ABCB4: variants seen among roughly 807,000 people sequenced by gnomAD.
The protein encoded by ABCB4 is phosphatidylcholine translocator ABCB4.
A neutral mutation model predicts 145.7 loss-of-function variants in ABCB4; 76 were observed. The observed-to-expected ratio is 0.52, with a 90% CI of 0.43 to 0.63. The LOEUF (loss-of-function observed/expected upper bound fraction) is 0.63, where lower values mean the gene tolerates loss of function less well. ABCB4 is among the 30% of genes least tolerant of loss of function. The pLI, the probability that ABCB4 is intolerant of heterozygous loss-of-function variation, is 0.00. For missense variants in ABCB4, 1,234 were observed against 1,553.1 expected (o/e 0.79, Z 3.45); for synonymous variants, 517 against 566.8 (o/e 0.91, Z 1.25).
Position 87,402,220 on chromosome 7 carries a change from G to T in ABCB4, c.3716C>A (p.Ala1239Glu). Residue 1239 changes from alanine to glutamate, a missense_variant, in exon 28 of 28, where the codon GCA (alanine) becomes GAA (glutamate). This residue lies in a region of ABCB4 where 58 missense variants were observed against 75.9 expected (regional missense o/e 0.76). Coordinates refer to ENST00000649586, the MANE Select transcript of ABCB4 (RefSeq NM_000443.4). ...IAHRLSTIQN[A>E]DLIVVFQNGR... The stretch of plus-strand genomic sequence containing the variant: ...ATTCTGAAACACCACTATTAAGTCT[G>T]CATTCTGGATGGTGGACAGGCGGTG... 1 of 1,614,110 alleles carries T rather than the reference G, an allele frequency of 6.2e-7. No individual in the cohort carries two copies. The highest frequency in any genetic ancestry group is 8.5e-7 in the Non-Finnish European group (1 of 1,179,986).
the ABCB4 span, chr7:87,392,998 G>C: frequency 1.6e-5 from 26 of 1,613,498 alleles, no homozygotes; most frequent in Non-Finnish European, 2.2e-5. Flanking sequence ...GGCTATTTAC[G>C]AGTCCAGGGA....
intron 3 of ABCB4, 80 bp downstream of exon 3, chr7:87,472,541 T>C: frequency 8.1e-7 from 1 of 1,236,176 alleles, no homozygotes; most frequent in Non-Finnish European, 1.2e-6. Flanking sequence ...CTTAAAGTAT[T>C]TGCTTTAAAG....
Position 87,413,700 on chromosome 7 carries a change from T to C in ABCB4, c.2700A>G (p.Ile900Met). 6.2e-7 allele frequency: 1 copy of C among 1,611,432 alleles called. No individual in the cohort carries two copies. Among genetic ancestry groups the C allele is most frequent in the African/African-American group, 1.3e-5 (1 of 75,006 alleles). ...EAAGKIATEA[I>M]ENIRTVVSLT... is the part of the protein sequence containing the mutation. Reference sequence around the variant, plus strand: ...AAGACACAACTGTCCTAATATTTTCTATTGCCTCTGTTGCAATCTGTAACA... The same window carrying C: ...AAGACACAACTGTCCTAATATTTTCCATTGCCTCTGTTGCAATCTGTAACA... The change falls in exon 22 of 28, where the codon ATA (isoleucine) becomes ATG (methionine). Residue 900 changes from isoleucine to methionine, a missense_variant. This residue lies in a region of ABCB4 where 301 missense variants were observed against 389.0 expected (regional missense o/e 0.77). Transcript: ENST00000649586.
the ABCB4 span, among the ~76,000 whole-genome samples, chr7:87,396,008 A>G: frequency 6.6e-6 from 1 of 152,226 alleles, no homozygotes. Flanking sequence ...AAAACAATAA[A>G]TTTCTACTAG....
At chr7:87,377,547 T>G in the ABCB4 span, 3 of 686,668 alleles carry the variant, frequency 4.4e-6, no homozygotes, top group Non-Finnish European at 7.4e-6. Context: ...TGTAAGTGAA[T>G]AGTAATTTAG....
At chr7:87,387,299 T>C in the ABCB4 span, among the ~76,000 whole-genome samples, 18 of 152,254 alleles carry the variant, frequency 1.2e-4, no homozygotes, top group African/African-American at 4.3e-4. Context: ...TTTAAATATG[T>C]TATTTAGATA....
the ABCB4 span, chr7:87,369,619 AAT>A: frequency 1.2e-4 from 40 of 335,210 alleles, no homozygotes; most frequent in South Asian, 1.8e-4. Flanking sequence ...TTTAAAAAAA[AAT>A]CTATTTGTAT....
At chr7:87,470,697 T>G (rs960644118) in intron 3 of ABCB4, among the ~76,000 whole-genome samples, 2 of 152,042 alleles carry the variant, frequency 1.3e-5, no homozygotes, top group Non-Finnish European at 2.9e-5. Flanking sequence ...AGAATGGCAA[T>G]CATTAAAAAG....
intron 26 of ABCB4, 53 bp downstream of exon 26, chr7:87,406,235 T>C: frequency 1.3e-6 from 2 of 1,568,318 alleles, no homozygotes; most frequent in East Asian, 2.2e-5. Flanking sequence ...CTTTGGTAAT[T>C]GTTTGGGGGA....
At chr7:87,461,112 A>G (rs994153299) in intron 4 of ABCB4, among the ~76,000 whole-genome samples, 3 of 151,898 alleles carry the variant, frequency 2.0e-5, no homozygotes, top group Admixed American at 6.6e-5. Context: ...TGCCTGGCTA[A>G]TTTTGTATTT....
chr7:87,437,762 G>A (rs1441764531), intron 14 of ABCB4, among the ~76,000 whole-genome samples: 1 of 152,142 alleles, frequency 6.6e-6, no homozygotes, highest in Non-Finnish European at 1.5e-5. Context: ...ACAGAGCCAG[G>A]ACTCCAATCC....
chr7:87,408,263 T>A, intron 24 of ABCB4, 29 bp from the exon 25 acceptor site: 1 of 1,596,664 alleles, frequency 6.3e-7, no homozygotes, highest in Non-Finnish European at 8.6e-7. Context: ...GTTGCTATTA[T>A]AATTGGCCTG....
chr7:87,369,426 G>A, the ABCB4 span: 2 of 1,613,166 alleles, frequency 1.2e-6, no homozygotes, highest in East Asian at 2.2e-5. Context: ...TCGAGGCCGA[G>A]CTTTTGTCTT....
chr7:87,416,986 C>T (rs1180068787), intron 21 of ABCB4, among the ~76,000 whole-genome samples: 1 of 152,196 alleles, frequency 6.6e-6, no homozygotes, highest in Non-Finnish European at 1.5e-5. Context: ...CAGTCTTCTG[C>T]ATGAAGGTTT....
chr7:87,452,730 A>T, intron 6 of ABCB4: 1 of 609,634 alleles, frequency 1.6e-6, no homozygotes. Flanking sequence ...ATGTGAATTC[A>T]GTCCTCAAAT....
At chr7:87,416,498 A>G (rs1257268578) in intron 21 of ABCB4, among the ~76,000 whole-genome samples, 1 of 152,214 alleles carries the variant, frequency 6.6e-6, no homozygotes, top group Non-Finnish European at 1.5e-5. Context: ...AATAAAGGAT[A>G]ATAATTACAT....
intron 25 of ABCB4, among the ~76,000 whole-genome samples, chr7:87,406,852 T>C (rs1808234438): frequency 1.3e-5 from 2 of 152,196 alleles, no homozygotes; most frequent in Non-Finnish European, 2.9e-5. Context: ...ATCCTAACCC[T>C]TCACCTTGAC....
At position 87,402,373 on chromosome 7, in the gene ABCB4, G is replaced by T. The variant is rs574616823; in HGVS notation, c.3634-71C>A. ...TTAGTTTTAACATTCAAGTAAATTT[G>T]AAAATGTTACCTTTCTAATCAACTT... On this transcript the variant is annotated intron_variant, in intron 27 of 27. Coordinates refer to ENST00000649586, the MANE Select transcript of ABCB4 (RefSeq NM_000443.4). The T allele has an allele frequency of 5.5e-5, 86 of 1,555,052 alleles. No individual in the cohort carries two copies. In the East Asian group the frequency reaches 1.6e-3, roughly 28 times the overall value.
At chr7:87,442,308 A>G (rs1304807883) in intron 12 of ABCB4, among the ~76,000 whole-genome samples, 2 of 152,024 alleles carry the variant, frequency 1.3e-5, no homozygotes, top group African/African-American at 4.8e-5. Context: ...AGTTCCATGT[A>G]TTGTAGAAAA....
Sources: allele counts gnomAD v4.1 joint callset (sites outside exome capture counted in the v4.1 genomes callset), GRCh38; gene constraint gnomAD v4.1.1; regional missense constraint gnomAD v4.1.1; transcripts MANE v1.5; gene names NCBI Gene and HGNC (gene_info 2026-07-23, HGNC 2026-07-21).